The following C11orf97 variants were observed in gnomAD, a reference collection of about 807,000 sequenced individuals.
The protein encoded by C11orf97 is uncharacterized protein C11orf97.
A neutral mutation model predicts 16.2 loss-of-function variants in C11orf97; 15 were observed. The ratio of observed to expected loss-of-function variants is 0.93; its 90% CI spans 0.62 to 1.43. The LOEUF (loss-of-function observed/expected upper bound fraction) is 1.43, where lower values mean the gene tolerates loss of function less well. Ranked by LOEUF, C11orf97 falls within the 40% of genes most tolerant of loss-of-function variation. The pLI is 0.00. For synonymous variants in C11orf97, 61 were observed against 65.7 expected (o/e 0.93, Z 0.34); for missense variants, 171 against 161.2 (o/e 1.06, Z -0.33).
At chr11:94,512,791 G>C (rs1019892298) in intron 1 of C11orf97, 118 bp downstream of exon 1, 47 of 1,102,670 alleles carry the variant, frequency 4.3e-5, no homozygotes, top group Non-Finnish European at 4.9e-5. Flanking sequence ...AGGGGAGGTG[G>C]AGCTGCTGCT....
chr11:94,513,920 G>T (rs1460213475), intron 1 of C11orf97, among the ~76,000 whole-genome samples: 1 of 152,184 alleles, frequency 6.6e-6, no homozygotes, highest in Non-Finnish European at 1.5e-5. Context: ...CAATTCTCAT[G>T]CATCAGCCTC....
intron 2 of C11orf97, among the ~76,000 whole-genome samples, chr11:94,520,499 C>T (rs1947649705): frequency 1.3e-5 from 2 of 152,196 alleles, no homozygotes. Context: ...CTACCCTATA[C>T]TTTTCCCCTT....
At chr11:94,521,839 T>C (rs1947659861) in intron 2 of C11orf97, among the ~76,000 whole-genome samples, 1 of 152,216 alleles carries the variant, frequency 6.6e-6, no homozygotes, top group South Asian at 2.1e-4. Flanking sequence ...CTACTCACTA[T>C]GGTGTCTCTG....
At chr11:94,528,414 T>G (rs1453076928) in intron 3 of C11orf97, among the ~76,000 whole-genome samples, 2 of 152,250 alleles carry the variant, frequency 1.3e-5, no homozygotes, top group Admixed American at 6.5e-5. Context: ...TTTACCCCCA[T>G]GGATACAACA....
intron 2 of C11orf97, among the ~76,000 whole-genome samples, chr11:94,527,805 C>A (rs1947711043): frequency 6.6e-6 from 1 of 152,116 alleles, no homozygotes; most frequent in South Asian, 2.1e-4. Context: ...TCTGATCCTT[C>A]TCTGTTTTGT....
chr11:94,526,170 T>C (rs35390767), intron 2 of C11orf97, among the ~76,000 whole-genome samples: 8,638 of 152,032 alleles, frequency 0.057, 674 homozygotes, highest in African/African-American at 0.18. Flanking sequence ...GCTGAGGGAG[T>C]AAAGTTTCTC....
intron 1 of C11orf97, among the ~76,000 whole-genome samples, chr11:94,517,239 A>G (rs1254698781): frequency 1.3e-5 from 2 of 152,178 alleles, no homozygotes; most frequent in African/African-American, 4.8e-5. Context: ...CCCTAGCCAA[A>G]TGCCTATCAC....
At position 94,516,102 on chromosome 11, in the gene C11orf97, T is replaced by A. The variant is rs183109492; in HGVS notation, c.146-1481T>A. Among the ~76,000 whole-genome samples the A allele has an allele frequency of 5.6e-3, 854 of 152,264 alleles. 10 individuals are homozygous for A. Among genetic ancestry groups the A allele is most frequent in the African/African-American group, 0.02 (811 of 41,538 alleles). On this transcript the variant is annotated intron_variant, in intron 1 of 3. Transcript: ENST00000542198. ...AGAATGAGACCCTGAAAGTATGTAA[T>A]TCTAACTTTTTCATGTCTGAGGGTG...
At chr11:94,513,378 T>G (rs1288753646) in intron 1 of C11orf97, among the ~76,000 whole-genome samples, 2 of 152,210 alleles carry the variant, frequency 1.3e-5, no homozygotes, top group African/African-American at 4.8e-5. Flanking sequence ...GTTTCATGAA[T>G]TAACAGATAT....
At position 94,512,642 on chromosome 11, in the gene C11orf97, C is replaced by T. The variant is rs939552171; in HGVS notation, c.114C>T (p.Pro38=). 8.0e-7 allele frequency: 1 copy of T among 1,252,320 alleles called. No homozygotes were observed. The highest frequency in any genetic ancestry group is 1.0e-6 in the Non-Finnish European group (1 of 997,612). The allele number at this position is 1,252,320 out of a possible 1,614,324, so 77.6% of individuals were successfully genotyped here. Residue 38 remains proline (P), a synonymous_variant, in exon 1 of 4, where the codon CCC becomes CCT. Transcript: ENST00000542198. ...AGLGCGARGE[P]GRGPLEHGQQ... is the part of the protein sequence containing the mutation. The stretch of plus-strand genomic sequence containing the variant: ...TGGGGTGCGGGGCGCGCGGGGAACC[C>T]GGCCGCGGCCCCCTAGAGCACGGCC...
intron 3 of C11orf97, among the ~76,000 whole-genome samples, chr11:94,531,061 ATTTAAAG>A (rs1233591572): frequency 6.6e-6 from 1 of 152,238 alleles, no homozygotes; most frequent in African/African-American, 2.4e-5. Flanking sequence ...AATACACATC[ATTTAAAG>A]TTTAAATTTA....
chr11:94,515,087 G>A (rs575011320), intron 1 of C11orf97, among the ~76,000 whole-genome samples: 12 of 152,248 alleles, frequency 7.9e-5, no homozygotes, highest in Admixed American at 3.9e-4. Context: ...ATAACTGTGC[G>A]TTGTAATAAA....
At chr11:94,530,720 A>G (rs923917777) in intron 3 of C11orf97, among the ~76,000 whole-genome samples, 3 of 152,202 alleles carry the variant, frequency 2.0e-5, no homozygotes, top group African/African-American at 7.2e-5. Flanking sequence ...ACTCACATAC[A>G]TCCCCTGCTC....
At chr11:94,531,512 G>T (rs1947738719) in intron 3 of C11orf97, among the ~76,000 whole-genome samples, 1 of 115,958 alleles carries the variant, frequency 8.6e-6, no homozygotes, top group Admixed American at 1.2e-4. Flanking sequence ...CTTATTCTGT[G>T]CCACAAAACA....
At chr11:94,513,166 C>T (rs1947583376) in intron 1 of C11orf97, among the ~76,000 whole-genome samples, 2 of 152,198 alleles carry the variant, frequency 1.3e-5, no homozygotes. Flanking sequence ...TCACTTTTAA[C>T]TTCCATCTCT....
At chr11:94,527,084 G>T (rs588774) in intron 2 of C11orf97, among the ~76,000 whole-genome samples, 2 of 151,926 alleles carry the variant, frequency 1.3e-5, no homozygotes, top group Admixed American at 1.3e-4. Context: ...TCCCTATTTC[G>T]AAAATGAGGA....
At chr11:94,531,216 G>A (rs1947735861) in intron 3 of C11orf97, among the ~76,000 whole-genome samples, 1 of 152,148 alleles carries the variant, frequency 6.6e-6, no homozygotes, top group Non-Finnish European at 1.5e-5. Flanking sequence ...AAGGCGGGCA[G>A]ATCACTTGAG....
At chr11:94,529,442 A>T (rs1947722308) in intron 3 of C11orf97, among the ~76,000 whole-genome samples, 2 of 152,250 alleles carry the variant, frequency 1.3e-5, no homozygotes, top group African/African-American at 4.8e-5. Flanking sequence ...CTTCAGTTTA[A>T]TGATAATAAA....
At chr11:94,526,595 C>T (rs1654622702) in intron 2 of C11orf97, among the ~76,000 whole-genome samples, 1 of 152,182 alleles carries the variant, frequency 6.6e-6, no homozygotes, top group East Asian at 1.9e-4. Context: ...TCCCTGGTCT[C>T]CCACAGGGTA....
Sources: allele counts gnomAD v4.1 joint callset (sites outside exome capture counted in the v4.1 genomes callset), GRCh38; gene constraint gnomAD v4.1.1; transcripts MANE v1.5; gene names NCBI Gene and HGNC (gene_info 2026-07-23, HGNC 2026-07-21).